Variants in CCNL2 observed in about 807,000 individuals in gnomAD.
CCNL2 encodes cyclin-L2.
A neutral mutation model predicts 59.1 loss-of-function variants in CCNL2; 28 were observed. The ratio of observed to expected loss-of-function variants is 0.47; its 90% confidence interval spans 0.35 to 0.65. The LOEUF (loss-of-function observed/expected upper bound fraction) is 0.65. CCNL2 is among the 30% of genes least tolerant of loss of function. The pLI is 0.00. For synonymous variants in CCNL2, 342 were observed against 288.6 expected (o/e 1.19, Z -1.88); for missense variants, 714 against 717.4 (o/e 1.00, Z 0.05).
At chr1:1,395,285 G>A in intron 4 of CCNL2, 109 bp downstream of exon 4, 1 of 1,205,952 alleles carries the variant, frequency 8.3e-7, no homozygotes, top group Non-Finnish European at 1.2e-6. Flanking sequence ...GCCAAGTCAG[G>A]GATGCACTCA....
intron 8 of CCNL2, 40 bp from the exon 9 acceptor site, chr1:1,388,105 ACT>A (rs781284424): frequency 6.7e-7 from 1 of 1,502,980 alleles, no homozygotes; most frequent in Non-Finnish European, 9.2e-7. Flanking sequence ...ACCACAAAAC[ACT>A]CTCCCAATAA....
At position 1,390,439 on chromosome 1, in the gene CCNL2, A is replaced by G. The variant is rs200280703; in HGVS notation, c.864+20T>C. ...GGCCAAACACAAACGCATACGTTAC[A>G]TGAAAAAATGCCGAAGAACCTTTTT... On this transcript the variant is annotated intron_variant, in intron 7 of 10. Coordinates refer to ENST00000400809, the MANE Select transcript of CCNL2 (RefSeq NM_030937.6). 3.4e-4 allele frequency: 544 copies of G among 1,612,708 alleles called. No homozygotes were observed. The highest frequency in any genetic ancestry group is 4.2e-4 in the Non-Finnish European group (499 of 1,179,396).
At position 1,390,457 on chromosome 1, in the gene CCNL2, AC is replaced by A. The variant is rs1644705131; in HGVS notation, c.864+1del. ...ACGTTACATGAAAAAATGCCGAAGA[AC>A]CTTTTTCCGAGCATAAAGCTGCAAG... is the stretch of plus-strand genomic sequence containing the variant. On this transcript the variant is annotated splice_donor_variant, in intron 7 of 10. Transcript: ENST00000400809. LOFTEE classifies it high-confidence loss of function. 1 of 1,612,922 alleles carries A rather than the reference AC, an allele frequency of 6.2e-7. No homozygotes were observed. Among genetic ancestry groups the A allele is most frequent in the Non-Finnish European group, 8.5e-7 (1 of 1,179,578 alleles).
chr1:1,391,177 G>C (rs1644743691), intron 5 of CCNL2: 11 of 1,156,196 alleles, frequency 9.5e-6, no homozygotes, highest in African/African-American at 1.6e-5. Context: ...CCTCAACCTT[G>C]GCCTGCTCTC....
At position 1,390,280 on chromosome 1, in the gene CCNL2, C is replaced by T. The variant is rs770724720; in HGVS notation, c.956G>A (p.Gly319Asp). ...KAQARGLLPG[G>D]TQVLDGTSGF... ...CGAGGTACCATCCAGCACCTGTGTG[C>T]CCCCAGGCAACAGGCCCCGGGCTTG... The change falls in exon 8 of 11, where the codon GGC becomes GAC. Residue 319 changes from glycine (G) to aspartate (D), a missense_variant. Around this residue, in one of 5 missense-constraint regions of CCNL2, gnomAD observed 403 missense variants for 377.7 expected, o/e 1.07. Coordinates refer to ENST00000400809, the MANE Select transcript of CCNL2 (RefSeq NM_030937.6). The T allele has an allele frequency of 1.2e-6, 2 of 1,613,780 alleles. No homozygotes were observed. Among genetic ancestry groups the T allele is most frequent in the Non-Finnish European group, 1.7e-6 (2 of 1,179,764 alleles).
In CCNL2 at chr1:1,388,052, T is replaced by A. The variant is rs762788071; in HGVS notation, c.1020A>T (p.Lys340Asn). The change falls in exon 9 of 11, where the codon AAA (lysine) becomes AAT (asparagine). Residue 340 changes from lysine to asparagine, a missense_variant. By Grantham distance (94) the Lys-to-Asn change is moderately conservative. Coordinates refer to ENST00000400809, the MANE Select transcript of CCNL2 (RefSeq NM_030937.6). ...GGGAAGGCTTGCTCCCTTTACCTTC[T>A]TTGGGGGATTCCACTAGAATCAGAA... ...SPAPKLVESP[K>N]EGKGSKPSPL... 8 of 1,613,408 alleles carry A rather than the reference T, an allele frequency of 5.0e-6. No homozygotes were observed. The highest frequency in any genetic ancestry group is 6.8e-6 in the Non-Finnish European group (8 of 1,179,580).
At chr1:1,392,639 A>C (rs927679802) in intron 5 of CCNL2, 41 of 1,474,320 alleles carry the variant, frequency 2.8e-5, no homozygotes, top group Non-Finnish European at 3.5e-5. Context: ...TCGTCAGAGA[A>C]CCACAGCAGG....
In CCNL2 at chr1:1,398,658, G is replaced by A; in HGVS notation, c.302C>T (p.Thr101Ile). 2 of 1,613,660 alleles carry A rather than the reference G, an allele frequency of 1.2e-6. No homozygotes were observed. Among genetic ancestry groups the A allele is most frequent in the Non-Finnish European group, 1.7e-6 (2 of 1,179,914 alleles). ...GAACCGCTGGAACAACACCTGCCCGGTAGCCATGGCCACCTAGAGTAGAAG... is the reference window on the plus strand; with the variant it reads ...GAACCGCTGGAACAACACCTGCCCGATAGCCATGGCCACCTAGAGTAGAAG... The part of the protein sequence containing the change: ...LLRLPQVAMA[T>I]GQVLFQRFFY... Residue 101 changes from threonine to isoleucine, a missense_variant, in exon 2 of 11, where the codon ACC becomes ATC. Around this residue, in one of 5 missense-constraint regions of CCNL2, gnomAD observed 270 missense variants for 254.9 expected, o/e 1.06. Transcript: ENST00000400809.
rs184314634 is a variant in CCNL2 at position 1,393,560 on chromosome 1, T to C, written c.595-100A>G. 204 of 1,038,648 alleles carry C rather than the reference T, an allele frequency of 2.0e-4. No individual in the cohort carries two copies. The African/African-American group carries it at 2.8e-3, about 14-fold the overall frequency. 64.3% of individuals were successfully genotyped at this position (1,038,648 alleles called of 1,614,324 possible). ...CAGCAAACAAGAGCCTCAAGCTAGA[T>C]CCCAGGAGTGGCTCCTGGCCACACG... On this transcript the variant is annotated intron_variant, in intron 4 of 10. Transcript: ENST00000400809.
intron 6 of CCNL2, 70 bp downstream of exon 6, chr1:1,390,696 A>G: frequency 6.6e-7 from 1 of 1,517,194 alleles, no homozygotes; most frequent in Non-Finnish European, 9.1e-7. Context: ...AGAATAACAC[A>G]GTAAAGTTTA....
At position 1,395,155 on chromosome 1, in the gene CCNL2, C is replaced by T. The variant is rs1557728233; in HGVS notation, c.594+239G>A. On this transcript the variant is annotated intron_variant, in intron 4 of 10. Transcript: ENST00000400809. The stretch of plus-strand genomic sequence containing the variant: ...ATAAACTCACCACTATTTTTGAAAG[C>T]CCAAACTTAAATAATACCATTTCCA... The T allele has an allele frequency of 4.2e-5, 19 of 451,522 alleles. No individual in the cohort carries two copies. In the South Asian group the frequency reaches 1.0e-3, roughly 24 times the overall value. The allele number at this position is 451,522 out of a possible 1,614,324, so 28.0% of individuals were successfully genotyped here.
chr1:1,396,699 C>T (rs1383001338), intron 3 of CCNL2, among the ~76,000 whole-genome samples: 1 of 151,522 alleles, frequency 6.6e-6, no homozygotes, highest in Admixed American at 6.6e-5. Flanking sequence ...CCTGCCTCAC[C>T]CTCCCGAATA....
At chr1:1,396,860 T>C (rs1645062629) in intron 3 of CCNL2, among the ~76,000 whole-genome samples, 1 of 152,050 alleles carries the variant, frequency 6.6e-6, no homozygotes, top group African/African-American at 2.4e-5. Context: ...GCCATTCTCC[T>C]GCCTCAGCCT....
intron 5 of CCNL2, chr1:1,391,329 G>A (rs931309127): frequency 1.5e-5 from 17 of 1,159,000 alleles, no homozygotes; most frequent in Admixed American, 4.7e-5. Context: ...AAGCCGGTGT[G>A]GCTGCTGGGA....
intron 5 of CCNL2, chr1:1,391,224 T>C (rs1000646688): frequency 7.0e-5 from 78 of 1,113,634 alleles, no homozygotes; most frequent in Non-Finnish European, 8.6e-5. Context: ...AAATGTCTAC[T>C]GGAGTCACTA....
intron 1 of CCNL2, 33 bp downstream of exon 1, chr1:1,398,986 A>G: frequency 6.4e-7 from 1 of 1,566,028 alleles, no homozygotes; most frequent in South Asian, 1.2e-5. Context: ...CCCAGCGGTT[A>G]CCTGGGCCGG....
At chr1:1,388,589 A>C (rs764867469) in intron 8 of CCNL2, 151 of 418,788 alleles carry the variant, frequency 3.6e-4, no homozygotes, top group South Asian at 1.0e-3. Context: ...CTCTCTATAT[A>C]TATATATACA....
rs758213227 is a variant in CCNL2, at chr1:1,387,852, T to C, written c.1136A>G (p.Glu379Gly). Residue 379 changes from glutamate to glycine, a missense_variant, in exon 10 of 11, where the codon GAG (glutamate) becomes GGG (glycine). Coordinates refer to ENST00000400809, the MANE Select transcript of CCNL2 (RefSeq NM_030937.6). ...SPVNGLPKGR[E>G]SRSRSRSREQ... ...ACGGCTCCGGCTCCGACTCCGACTC[T>C]CTCGCCCCTTTGGCAAGCTGTGAAC... 6.2e-7 allele frequency: 1 copy of C among 1,613,704 alleles called. No individual in the cohort carries two copies. Among genetic ancestry groups the C allele is most frequent in the Non-Finnish European group, 8.5e-7 (1 of 1,179,958 alleles).
intron 8 of CCNL2, chr1:1,388,728 G>T: frequency 2.6e-6 from 1 of 382,840 alleles, no homozygotes; most frequent in Non-Finnish European, 5.0e-6. Flanking sequence ...CCCAGATAGC[G>T]CCACTGCACT....
Sources: gnomAD v4.1 joint callset for allele counts (sites outside exome capture counted in the v4.1 genomes callset) on GRCh38, gnomAD v4.1.1 for gene constraint, gnomAD v4.1.1 regional missense constraint, MANE v1.5 for transcripts, NCBI Gene and HGNC (gene_info 2026-07-23, HGNC 2026-07-21) for gene names.